EPB41: variants seen among roughly 807,000 people sequenced by gnomAD.
The protein encoded by EPB41 is protein 4.1.
A neutral mutation model predicts 108.0 loss-of-function variants in EPB41; 65 were observed. The ratio of observed to expected loss-of-function variants is 0.60; its 90% CI spans 0.49 to 0.74. The LOEUF (loss-of-function observed/expected upper bound fraction) is 0.74, where lower values mean the gene tolerates loss of function less well. Ranked by LOEUF, EPB41 falls within the 30% of genes least tolerant of loss-of-function variation. The pLI is 0.00. For missense variants in EPB41, 875 were observed against 1,037.0 expected, an observed-to-expected ratio of 0.84 and a Z score of 2.15; for synonymous variants, 336 against 358.9, an observed-to-expected ratio of 0.94 and a Z score of 0.72.
In EPB41 at chr1:29,115,295, A is replaced by C. The variant is rs913638527; in HGVS notation, c.2497-404A>C. 6.6e-6 allele frequency among the ~76,000 whole-genome samples: 1 copy of C among 152,166 alleles called. No individual in the cohort carries two copies. Among genetic ancestry groups the C allele is most frequent in the Non-Finnish European group, 1.5e-5 (1 of 68,030 alleles). ...GTAATCCCAGCTACTCAGGAGGCTG[A>C]AGCAGGAGAACTGCTTGAACCTGGG... On this transcript the variant is annotated intron_variant, in intron 19 of 20. Coordinates refer to ENST00000343067, the MANE Select transcript of EPB41 (RefSeq NM_001376013.1). This position sits in a 1 kb window ranked among gnomAD's most constrained non-coding sequence, Gnocchi z 4.4.
chr1:29,057,978 A>G (rs1645843744), intron 12 of EPB41, among the ~76,000 whole-genome samples: 1 of 152,198 alleles, frequency 6.6e-6, no homozygotes, highest in Non-Finnish European at 1.5e-5. Flanking sequence ...TGTCAGTTAC[A>G]ATTTAAATTG....
chr1:28,897,525 G>A (rs1203102895), intron 1 of EPB41, among the ~76,000 whole-genome samples: 4 of 151,054 alleles, frequency 2.6e-5, no homozygotes, highest in African/African-American at 9.8e-5. Flanking sequence ...CTCCAGCCTG[G>A]GTGACAAAGT....
intron 1 of EPB41, among the ~76,000 whole-genome samples, chr1:28,980,939 G>T (rs2095729178): frequency 6.6e-6 from 1 of 151,800 alleles, no homozygotes; most frequent in Non-Finnish European, 1.5e-5. Context: ...GGCCCAGCTA[G>T]TTTTTGTATT....
At chr1:29,069,354 T>C (rs975685094) in intron 16 of EPB41, 127 of 1,231,050 alleles carry the variant, frequency 1.0e-4, no homozygotes, top group Non-Finnish European at 1.3e-4. Context: ...AATAAAAACT[T>C]CTCAATTGGA....
intron 1 of EPB41, among the ~76,000 whole-genome samples, chr1:28,944,534 G>GTTTTTTTTT (rs55849161): frequency 7.2e-5 from 7 of 97,422 alleles, no homozygotes; most frequent in African/African-American, 8.3e-5. Context: ...CTCAGATCTG[G>GTTTTTTTTT]TTTTTTTTTT....
intron 16 of EPB41, among the ~76,000 whole-genome samples, chr1:29,092,745 C>G (rs573288793): frequency 1.4e-4 from 21 of 152,172 alleles, no homozygotes; most frequent in Admixed American, 1.2e-3. Flanking sequence ...TTGTTCCCCT[C>G]CTTGTATCCA....
At chr1:28,922,248 A>G (rs1207807415) in intron 1 of EPB41, among the ~76,000 whole-genome samples, 2 of 151,646 alleles carry the variant, frequency 1.3e-5, no homozygotes, top group East Asian at 3.9e-4. Context: ...GATCACAGGC[A>G]TGAACCACCG....
At chr1:28,889,298 T>C (rs1348566931) in intron 1 of EPB41, among the ~76,000 whole-genome samples, 2 of 152,156 alleles carry the variant, frequency 1.3e-5, no homozygotes, top group African/African-American at 4.8e-5. Flanking sequence ...TTCCGCTGTA[T>C]GTATAGGAGA....
At chr1:28,953,789 C>T (rs900997368) in intron 1 of EPB41, among the ~76,000 whole-genome samples, 2 of 152,154 alleles carry the variant, frequency 1.3e-5, no homozygotes, top group African/African-American at 4.8e-5. Flanking sequence ...GGATGGACAC[C>T]AGGGTCCGAA....
intron 1 of EPB41, among the ~76,000 whole-genome samples, 180 bp downstream of exon 1, chr1:28,914,948 A>C (rs906039247): frequency 3.3e-5 from 5 of 151,632 alleles, no homozygotes; most frequent in Non-Finnish European, 7.4e-5. Flanking sequence ...CCGAGTCGCC[A>C]GCCGGGACGC....
chr1:29,034,973 G>GTTTTTTTT (rs10580931), intron 9 of EPB41, among the ~76,000 whole-genome samples: 15 of 87,190 alleles, frequency 1.7e-4, no homozygotes, highest in Non-Finnish European at 2.4e-4. Flanking sequence ...TTTGTTTGTT[G>GTTTTTTTT]TTTTTTTTTT....
At chr1:28,933,899 ATATAT>A (rs1394940472) in intron 1 of EPB41, among the ~76,000 whole-genome samples, 1 of 152,118 alleles carries the variant, frequency 6.6e-6, no homozygotes, top group African/African-American at 2.4e-5. Context: ...TCTATTATTA[ATATAT>A]TAGTATAGTA....
At chr1:28,893,869 A>G (rs552682578) in intron 1 of EPB41, 1 of 152,238 alleles carries the variant, frequency 6.6e-6, no homozygotes, top group South Asian at 2.1e-4. Flanking sequence ...TGACTGCCAC[A>G]TGAGCTGATT....
intron 1 of EPB41, among the ~76,000 whole-genome samples, chr1:28,968,600 A>G (rs993032011): frequency 6.6e-6 from 1 of 152,148 alleles, no homozygotes; most frequent in Admixed American, 6.6e-5. Context: ...AAAACTGTGA[A>G]ATGTATTAGG....
rs571983526 is a variant in EPB41, at chr1:29,045,009, T to C, written c.1636+5583T>C. Among the ~76,000 whole-genome samples the C allele has an allele frequency of 4.6e-5, 7 of 152,342 alleles. 1 individual carries two copies. The South Asian group carries it at 6.2e-4, about 14-fold the overall frequency. On this transcript the variant is annotated intron_variant, in intron 11 of 20. Transcript: ENST00000343067. ...GTACCCTTGTGTCAATACCACACTA[T>C]CTTAATTATTCTAGCTTTTATAAGT...
intron 1 of EPB41, among the ~76,000 whole-genome samples, chr1:28,907,440 C>T (rs560604928): frequency 5.9e-5 from 9 of 152,128 alleles, no homozygotes; most frequent in Admixed American, 3.3e-4. Context: ...TCAAGTGATC[C>T]TCCTCCCTCA....
At chr1:29,007,090 T>C (rs2149840207) in intron 4 of EPB41, among the ~76,000 whole-genome samples, 1 of 150,188 alleles carries the variant, frequency 6.7e-6, no homozygotes, top group African/African-American at 2.5e-5. Flanking sequence ...TCATTCTCAT[T>C]ACTGTATAAT....
chr1:28,928,886 G>A (rs2093593085), intron 1 of EPB41, among the ~76,000 whole-genome samples: 1 of 152,178 alleles, frequency 6.6e-6, no homozygotes, highest in African/African-American at 2.4e-5. Context: ...AAGGAACAGT[G>A]CAATACAGTC....
rs548672621 is a variant in EPB41 at position 28,896,526 on chromosome 1, T to C, written c.-8+9316T>C. ...TCCCCACCGGGAGCTCGGAGTCTAG[T>C]TGGGAAGAAGATGCAGAAATCACCA... On this transcript the variant is annotated intron_variant, in intron 1 of 16. Transcript: ENST00000347529. Among the ~76,000 whole-genome samples, 7 of 152,186 alleles carry C rather than the reference T, an allele frequency of 4.6e-5. No homozygotes were observed. In the East Asian group the frequency reaches 7.7e-4, roughly 17 times the overall value.
Sources: gnomAD v4.1 joint callset for allele counts (sites outside exome capture counted in the v4.1 genomes callset) on GRCh38, gnomAD v4.1.1 for gene constraint, Gnocchi (gnomAD v3.1) non-coding constraint, MANE v1.5 for transcripts, NCBI Gene and HGNC (gene_info 2026-07-23, HGNC 2026-07-21) for gene names.